Variants in KIAA1217 observed in about 807,000 individuals in gnomAD.
KIAA1217 encodes the protein KIAA1217.
A neutral mutation model predicts 163.9 loss-of-function variants in KIAA1217; 88 were observed. That is an observed-to-expected ratio of 0.54 (90% confidence interval 0.45 to 0.64). The LOEUF is 0.64. Ranked by LOEUF, KIAA1217 falls within the 30% of genes least tolerant of loss-of-function variation. The pLI, the probability that KIAA1217 is intolerant of heterozygous loss-of-function variation, is 0.00. For synonymous variants in KIAA1217, 903 were observed against 923.1 expected (o/e 0.98, Z 0.39); for missense variants, 2,372 against 2,475.0 (o/e 0.96, Z 0.88).
Position 24,372,558 on chromosome 10 carries a change from C to T in KIAA1217, c.355-8311C>T, listed in dbSNP as rs570737216. ...AGTTTCATGCTCACTGCCTGGGTGACGGGATCAATTGTACCCCAGACCTCA... is the reference window on the plus strand; with the variant it reads ...AGTTTCATGCTCACTGCCTGGGTGATGGGATCAATTGTACCCCAGACCTCA... On this transcript the variant is annotated intron_variant, in intron 2 of 20. Coordinates refer to ENST00000376454, the MANE Select transcript of KIAA1217 (RefSeq NM_019590.5). Among the ~76,000 whole-genome samples, 29 of 152,128 alleles carry T rather than the reference C, an allele frequency of 1.9e-4. No homozygotes were observed. In the East Asian group the frequency reaches 3.1e-3, roughly 16 times the overall value.
At chr10:24,279,243 T>A (rs1312709461) in intron 2 of KIAA1217, among the ~76,000 whole-genome samples, 1 of 134,772 alleles carries the variant, frequency 7.4e-6, no homozygotes, top group African/African-American at 2.9e-5. Flanking sequence ...GTCTGTTTTT[T>A]TTTTTGTTGG....
intron 2 of KIAA1217, among the ~76,000 whole-genome samples, chr10:24,301,813 G>A (rs2041380036): frequency 6.6e-6 from 1 of 152,214 alleles, no homozygotes; most frequent in South Asian, 2.1e-4. Flanking sequence ...GGGAGGCTGA[G>A]GCAGGCAGAT....
intron 2 of KIAA1217, among the ~76,000 whole-genome samples, chr10:24,364,867 G>A (rs2050551230): frequency 6.6e-6 from 1 of 150,828 alleles, no homozygotes; most frequent in Non-Finnish European, 1.5e-5. Flanking sequence ...ATAGCTCACT[G>A]TACTCACTGC....
At chr10:24,527,810 A>G (rs1449708430) in intron 13 of KIAA1217, 126 bp from the exon 14 acceptor site, 2 of 668,244 alleles carry the variant, frequency 3.0e-6, no homozygotes, top group Non-Finnish European at 5.1e-6. Flanking sequence ...TCTTAAGCCC[A>G]GTACCCATTA....
intron 2 of KIAA1217, among the ~76,000 whole-genome samples, chr10:24,097,455 AGGAG>A (rs2062209007): frequency 1.3e-5 from 2 of 152,154 alleles, no homozygotes; most frequent in South Asian, 4.1e-4. Context: ...CAGGAGGCTG[AGGAG>A]GGAGGATCAC....
chr10:24,149,365 G>T (rs1489721069), intron 2 of KIAA1217, among the ~76,000 whole-genome samples: 2 of 151,872 alleles, frequency 1.3e-5, no homozygotes, highest in African/African-American at 4.8e-5. Flanking sequence ...TGTACTTTTA[G>T]TAGAGACGAG....
chr10:23,884,424 G>A (rs924811303), intron 1 of KIAA1217, among the ~76,000 whole-genome samples: 4 of 151,886 alleles, frequency 2.6e-5, no homozygotes, highest in African/African-American at 7.2e-5. Context: ...AGGATGTTGC[G>A]GATGTCCAGA....
chr10:24,026,742 A>ATTTTTTTTTTTTTTTTTTTTTCTT, intron 2 of KIAA1217, among the ~76,000 whole-genome samples: 2 of 70,082 alleles, frequency 2.9e-5, no homozygotes, highest in Admixed American at 1.5e-4. Flanking sequence ...TATTTCATTG[A>ATTTTTTTTTTTTTTTTTTTTTCTT]TTTTTTTTTT....
chr10:24,263,096 A>G (rs146171907), intron 2 of KIAA1217, among the ~76,000 whole-genome samples: 94 of 152,310 alleles, frequency 6.2e-4, no homozygotes, highest in African/African-American at 2.1e-3. Flanking sequence ...GAGGTTGTTC[A>G]TTCCAGTTTT....
chr10:23,732,136 T>C (rs1838511577), intron 1 of KIAA1217, among the ~76,000 whole-genome samples: 2 of 152,086 alleles, frequency 1.3e-5, no homozygotes, highest in South Asian at 4.1e-4. Flanking sequence ...CTGCTTGTAT[T>C]TTCTGAAAGA....
At chr10:24,382,436 A>C (rs7902724) in intron 3 of KIAA1217, among the ~76,000 whole-genome samples, 52,767 of 151,894 alleles carry the variant, frequency 0.35, 10,661 homozygotes, top group African/African-American at 0.58. Context: ...CTAAAAAAAA[A>C]CCCTACAACT....
intron 1 of KIAA1217, among the ~76,000 whole-genome samples, chr10:23,934,565 ATATATATATATATATATATATATATG>A (rs1391954967): frequency 1.5e-3 from 107 of 70,972 alleles, no homozygotes; most frequent in African/African-American, 0.014. Context: ...AAGTATATAT[ATATATATATATATATATATATATATG>A]TATATATATA....
chr10:23,955,786 T>A (rs1183792544), intron 1 of KIAA1217, among the ~76,000 whole-genome samples: 1 of 152,230 alleles, frequency 6.6e-6, no homozygotes, highest in Non-Finnish European at 1.5e-5. Context: ...AGCCATTATT[T>A]CTGTTGTTGA....
intron 2 of KIAA1217, among the ~76,000 whole-genome samples, chr10:24,264,954 G>T (rs1446003275): frequency 6.6e-6 from 1 of 151,958 alleles, no homozygotes; most frequent in East Asian, 1.9e-4. Flanking sequence ...GGGCTCAGGT[G>T]ATCCTCCCAC....
At chr10:23,932,569 T>G (rs1160277051) in intron 1 of KIAA1217, among the ~76,000 whole-genome samples, 1 of 152,196 alleles carries the variant, frequency 6.6e-6, no homozygotes, top group Admixed American at 6.5e-5. Context: ...ATTTAACATA[T>G]AAACTTTCCC....
intron 17 of KIAA1217, among the ~76,000 whole-genome samples, chr10:24,537,586 A>T (rs1239209092): frequency 2.0e-5 from 3 of 151,952 alleles, no homozygotes; most frequent in Non-Finnish European, 2.9e-5. Flanking sequence ...TCAAAAAAAA[A>T]AAAAAAGTAA....
intron 1 of KIAA1217, among the ~76,000 whole-genome samples, chr10:23,918,018 AT>A (rs145898839): frequency 1.2e-4 from 18 of 149,966 alleles, no homozygotes; most frequent in South Asian, 4.2e-4. Flanking sequence ...TTATCCCACA[AT>A]TTTTTTTTTA....
chr10:24,016,951 G>A (rs1847504123), intron 2 of KIAA1217, among the ~76,000 whole-genome samples: 1 of 151,384 alleles, frequency 6.6e-6, no homozygotes, highest in Non-Finnish European at 1.5e-5. Context: ...ATTGCTGGTA[G>A]CATTATAGAC....
chr10:24,331,622 C>T (rs572767379), intron 2 of KIAA1217, among the ~76,000 whole-genome samples: 15 of 152,248 alleles, frequency 9.9e-5, no homozygotes, highest in Admixed American at 5.2e-4. Flanking sequence ...TGCAATGAAG[C>T]GAAGAGCATG....
Sources: gnomAD v4.1 joint callset for allele counts (sites outside exome capture counted in the v4.1 genomes callset) on GRCh38, gnomAD v4.1.1 for gene constraint, MANE v1.5 for transcripts, NCBI Gene and HGNC (gene_info 2026-07-23, HGNC 2026-07-21) for gene names.